SH3D19: variants seen among roughly 807,000 people sequenced by gnomAD.
The protein encoded by SH3D19 is SH3 domain-containing protein 19.
SH3D19 carries 58 observed loss-of-function variants against 112.1 expected under a neutral mutation model. The observed-to-expected ratio is 0.52, with a 90% CI of 0.42 to 0.64. The LOEUF is 0.64. SH3D19 is among the 30% of genes least tolerant of loss of function. The pLI is 0.00. For synonymous variants in SH3D19, 391 were observed against 448.5 expected, an observed-to-expected ratio of 0.87 and a Z score of 1.62; for missense variants, 1,090 against 1,263.4, an observed-to-expected ratio of 0.86 and a Z score of 2.08.
intron 1 of SH3D19, among the ~76,000 whole-genome samples, chr4:151,240,337 G>T (rs1770459379): frequency 6.6e-6 from 1 of 151,716 alleles, no homozygotes; most frequent in East Asian, 1.9e-4. Context: ...CTTAAACCCA[G>T]GAATTCAAGG....
At chr4:151,311,014 A>G (rs1171068104) in intron 1 of SH3D19, among the ~76,000 whole-genome samples, 1 of 148,572 alleles carries the variant, frequency 6.7e-6, no homozygotes, top group Admixed American at 6.7e-5. Context: ...TACATATTAT[A>G]TATGTATACA....
intron 2 of SH3D19, among the ~76,000 whole-genome samples, chr4:151,207,015 T>TA (rs1476807659): frequency 6.6e-6 from 1 of 152,216 alleles, no homozygotes; most frequent in Non-Finnish European, 1.5e-5. Flanking sequence ...GCTCTGTCTT[T>TA]TAGTTTAAAC....
At chr4:151,211,877 A>G (rs1262663909) in intron 2 of SH3D19, among the ~76,000 whole-genome samples, 4 of 152,238 alleles carry the variant, frequency 2.6e-5, no homozygotes, top group Non-Finnish European at 1.5e-5. Flanking sequence ...TCATGACATA[A>G]AAGTGCAAGG....
intron 1 of SH3D19, among the ~76,000 whole-genome samples, chr4:151,257,828 G>A (rs1772053916): frequency 6.6e-6 from 1 of 152,184 alleles, no homozygotes; most frequent in Admixed American, 6.5e-5. Flanking sequence ...AGGATCGCTT[G>A]AGCCTGGGAG....
At chr4:151,249,594 A>T (rs987017706) in intron 1 of SH3D19, among the ~76,000 whole-genome samples, 1 of 152,190 alleles carries the variant, frequency 6.6e-6, no homozygotes, top group Admixed American at 6.5e-5. Flanking sequence ...AATTAAACTC[A>T]TATGAAATCT....
In SH3D19 at chr4:151,234,750, T is replaced by G. The variant is rs1381397559; in HGVS notation, c.113-8664A>C. 3.5e-4 allele frequency among the ~76,000 whole-genome samples: 45 copies of G among 128,184 alleles called. 2 individuals carry two copies. The highest frequency in any genetic ancestry group is 5.6e-4 in the Non-Finnish European group (34 of 61,158). The allele number at this position is 128,184 out of a possible 152,430, so 84.1% of individuals were successfully genotyped here. A position where few individuals can be genotyped will look rare whatever the true frequency, so the allele number is the denominator to read the frequency against. On this transcript the variant is annotated intron_variant, in intron 1 of 19. Coordinates refer to ENST00000604030, the MANE Select transcript of SH3D19 (RefSeq NM_001378122.1). Reference sequence around the variant, plus strand: ...CCAAGTTTGTGTTTTTTTTTTTTTTTTTTTTTTTTTTTTTTTAGACAGGGG... The same window carrying G: ...CCAAGTTTGTGTTTTTTTTTTTTTTGTTTTTTTTTTTTTTTTAGACAGGGG...
At chr4:151,214,764 T>C (rs1766722713) in intron 2 of SH3D19, among the ~76,000 whole-genome samples, 1 of 106,966 alleles carries the variant, frequency 9.3e-6, no homozygotes, top group Non-Finnish European at 2.1e-5. Context: ...GGCAGGGGGC[T>C]GACCCCCCCA....
chr4:151,299,524 G>A (rs1251396371), intron 1 of SH3D19, among the ~76,000 whole-genome samples: 1 of 147,904 alleles, frequency 6.8e-6, no homozygotes, highest in African/African-American at 2.5e-5. Flanking sequence ...AGGTTGCGGT[G>A]AGCCGAGATT....
intron 2 of SH3D19, among the ~76,000 whole-genome samples, chr4:151,209,859 T>C (rs1765682524): frequency 6.6e-6 from 1 of 152,172 alleles, no homozygotes; most frequent in Non-Finnish European, 1.5e-5. Context: ...AGACCCCTTT[T>C]GGAAAGTGCT....
chr4:151,175,202 A>G lies in SH3D19; in HGVS notation c.1002T>C (p.Ser334=). Residue 334 remains serine, a synonymous_variant, in exon 7 of 20, where the codon TCT becomes TCC. Transcript: ENST00000604030. The part of the protein sequence containing the change: ...PKPTVSSGKP[S]VAPKPAANRA... ...TGTTAGCAGCTGGTTTGGGAGCTAC[A>G]GAAGGTTTCCCTGAGGAAACAGTAG... 1 of 1,614,160 alleles carries G rather than the reference A, an allele frequency of 6.2e-7. No individual in the cohort carries two copies. Among genetic ancestry groups the G allele is most frequent in the African/African-American group, 1.3e-5 (1 of 75,052 alleles).
At chr4:151,187,354 G>T in intron 3 of SH3D19, 69 bp downstream of exon 3, 1 of 954,290 alleles carries the variant, frequency 1.0e-6, no homozygotes, top group Non-Finnish European at 1.4e-6. Flanking sequence ...ACAATCACCT[G>T]CTGGAAATCT....
chr4:151,264,427 C>CA (rs34271780), intron 1 of SH3D19, among the ~76,000 whole-genome samples: 56,554 of 106,032 alleles, frequency 0.53, 15,802 homozygotes, highest in African/African-American at 0.64. Flanking sequence ...GACTCTGTCT[C>CA]AAAAAAAAAA....
chr4:151,140,010 T>C, intron 12 of SH3D19, 163 bp from the exon 13 acceptor site: 2 of 558,100 alleles, frequency 3.6e-6, no homozygotes, highest in South Asian at 2.5e-5. Context: ...AGGGAATTAT[T>C]ATCAAGTTGA....
intron 4 of SH3D19, among the ~76,000 whole-genome samples, chr4:151,178,748 C>T (rs1223398047): frequency 6.6e-6 from 1 of 152,080 alleles, no homozygotes; most frequent in Admixed American, 6.6e-5. Context: ...GGGACCATGA[C>T]TTATGAAAAC....
At chr4:151,216,273 C>T (rs1767086007) in intron 2 of SH3D19, among the ~76,000 whole-genome samples, 2 of 152,160 alleles carry the variant, frequency 1.3e-5, no homozygotes, top group Non-Finnish European at 2.9e-5. Context: ...GCTTCTGTGG[C>T]GTACAGTCCT....
At position 151,278,867 on chromosome 4, in the gene SH3D19, G is replaced by C. The variant is rs376267315; in HGVS notation, c.112+46374C>G. ...AGGCTGGTTTTGAACTCCTGGACTT[G>C]AGCAATCCACCCACCTCAGCCTCCC... On this transcript the variant is annotated intron_variant, in intron 1 of 19. Coordinates refer to ENST00000604030, the MANE Select transcript of SH3D19 (RefSeq NM_001378122.1). Among the ~76,000 whole-genome samples the C allele has an allele frequency of 4.3e-4, 65 of 152,162 alleles. No homozygotes were observed. The South Asian group carries it at 0.012, about 29-fold the overall frequency.
At chr4:151,311,476 C>T (rs560498348) in intron 1 of SH3D19, among the ~76,000 whole-genome samples, 3 of 152,136 alleles carry the variant, frequency 2.0e-5, no homozygotes, top group African/African-American at 7.2e-5. Flanking sequence ...GTGAAATAAG[C>T]CAGACACAGA....
chr4:151,279,084 C>A, intron 1 of SH3D19: 1 of 416,252 alleles, frequency 2.4e-6, no homozygotes, highest in Non-Finnish European at 4.6e-6. Flanking sequence ...CAGGGAACAT[C>A]CACAGATAAA....
intron 1 of SH3D19, among the ~76,000 whole-genome samples, chr4:151,251,851 A>G (rs1158316692): frequency 6.6e-6 from 1 of 152,108 alleles, no homozygotes; most frequent in Non-Finnish European, 1.5e-5. Flanking sequence ...TTATTTTCTT[A>G]GTTCATTCAT....
Sources: allele counts gnomAD v4.1 joint callset (sites outside exome capture counted in the v4.1 genomes callset), GRCh38; gene constraint gnomAD v4.1.1; transcripts MANE v1.5; gene names NCBI Gene and HGNC (gene_info 2026-07-23, HGNC 2026-07-21).